The following SHPRH variants were observed in gnomAD, a reference collection of about 807,000 sequenced individuals.
The protein encoded by SHPRH is SNF2 histone linker PHD RING helicase.
In SHPRH, 106 loss-of-function variants were observed where a neutral mutation model predicts 202.5. The ratio of observed to expected loss-of-function variants is 0.52; its 90% CI spans 0.45 to 0.62. The LOEUF is 0.62. Among genes scored for constraint, SHPRH ranks in the 20% least tolerant of loss-of-function variants. SHPRH has a pLI of 0.00. For synonymous variants in SHPRH, 729 were observed against 686.0 expected (o/e 1.06, Z -0.98); for missense variants, 1,710 against 2,020.0 (o/e 0.85, Z 2.94).
chr6:145,921,820 T>G (rs55671343), intron 20 of SHPRH, among the ~76,000 whole-genome samples: 4,018 of 152,152 alleles, frequency 0.026, 183 homozygotes, highest in African/African-American at 0.091. Context: ...TGGATGAAAG[T>G]GGACACATTT....
rs968501018 is a variant in SHPRH, at chr6:145,954,763, T to G, written c.560A>C (p.Glu187Ala). ...VESSFSGEML[E>A]DLGWLQKKRR... is the part of the protein sequence containing the mutation. The stretch of plus-strand genomic sequence containing the variant: ...CTTCTTTTGTAGCCACCCCAAATCT[T>G]CTAACATTTCACCACTGAAGGATGA... Residue 187 changes from glutamate to alanine, a missense_variant, in exon 2 of 30, where the codon GAA (glutamate) becomes GCA (alanine). Transcript: ENST00000275233. 1 of 1,612,756 alleles carries G rather than the reference T, an allele frequency of 6.2e-7. No individual in the cohort carries two copies. Among genetic ancestry groups the G allele is most frequent in the Non-Finnish European group, 8.5e-7 (1 of 1,179,630 alleles).
chr6:145,924,536 G>C (rs988721946), intron 17 of SHPRH, among the ~76,000 whole-genome samples: 1 of 151,824 alleles, frequency 6.6e-6, no homozygotes, highest in African/African-American at 2.4e-5. Context: ...ACTCAAAATA[G>C]TTGACTTATT....
chr6:145,876,676 CATT>C (rs1780319817), intron 2 of SHPRH: 3 of 152,110 alleles, frequency 2.0e-5, no homozygotes, highest in Admixed American at 1.3e-4. Flanking sequence ...CATTTCTCTC[CATT>C]ATTATTATAG....
chr6:145,899,849 A>G (rs1782341561), intron 25 of SHPRH, among the ~76,000 whole-genome samples: 3 of 152,298 alleles, frequency 2.0e-5, no homozygotes, highest in Middle Eastern at 6.8e-3. Context: ...AAGGACCTGA[A>G]AAGATATTAC....
chr6:145,924,692 G>C, intron 17 of SHPRH, 47 bp downstream of exon 17: 1 of 1,550,006 alleles, frequency 6.5e-7, no homozygotes, highest in Non-Finnish European at 8.9e-7. Context: ...AACTCAAAAT[G>C]ATATCTGGAG....
the SHPRH span, among the ~76,000 whole-genome samples, chr6:145,859,207 A>T: frequency 6.6e-6 from 1 of 152,054 alleles, no homozygotes; most frequent in African/African-American, 2.4e-5. Flanking sequence ...CCCAATTTTA[A>T]ATTGAGTAGA....
intron 1 of SHPRH, among the ~76,000 whole-genome samples, chr6:145,959,293 A>T (rs754648194): frequency 1.3e-5 from 2 of 152,184 alleles, no homozygotes; most frequent in Non-Finnish European, 2.9e-5. Flanking sequence ...TAAGTACCCC[A>T]CAAAGGTGTA....
In SHPRH at chr6:145,943,439, T is replaced by C; in HGVS notation, c.1942A>G (p.Thr648Ala). The C allele has an allele frequency of 1.2e-6, 2 of 1,614,028 alleles. No individual in the cohort carries two copies. The highest frequency in any genetic ancestry group is 1.7e-6 in the Non-Finnish European group (2 of 1,179,940). The part of the protein sequence containing the change: ...HADSDVPPSN[T>A]MSPFNTSDYR... Reference sequence around the variant, plus strand: ...TCAGAGGTGTTAAAGGGACTCATGGTATTAGAAGGTGGTACATCACTATCA... The same window carrying C: ...TCAGAGGTGTTAAAGGGACTCATGGCATTAGAAGGTGGTACATCACTATCA... The change falls in exon 9 of 30, where the codon ACC (threonine) becomes GCC (alanine). Residue 648 changes from threonine to alanine, a missense_variant. This residue lies in a region of SHPRH where 348 missense variants were observed against 356.9 expected (regional missense o/e 0.97). Coordinates refer to ENST00000275233, the MANE Select transcript of SHPRH (RefSeq NM_001042683.3).
In SHPRH at chr6:145,955,119, T is replaced by A; in HGVS notation, c.204A>T (p.Arg68Ser). ...SDSLKEEVAH[R>S]DKKRCSKVVS... ...CCACTTTTGAACACCTCTTCTTATCTCTGTGAGCCACTTCTTCCTTTAGAC... is the reference window on the plus strand; with the variant it reads ...CCACTTTTGAACACCTCTTCTTATCACTGTGAGCCACTTCTTCCTTTAGAC... Residue 68 changes from arginine (R) to serine (S), a missense_variant, in exon 2 of 30, where the codon AGA becomes AGT. Around this residue, in one of 8 missense-constraint regions of SHPRH, gnomAD observed 459 missense variants for 426.5 expected, o/e 1.08. Coordinates refer to ENST00000275233, the MANE Select transcript of SHPRH (RefSeq NM_001042683.3). 6.2e-7 allele frequency: 1 copy of A among 1,613,692 alleles called. No individual in the cohort carries two copies. Among genetic ancestry groups the A allele is most frequent in the South Asian group, 1.1e-5 (1 of 91,082 alleles).
At chr6:145,947,670 A>G (rs750457781) in intron 5 of SHPRH, 27 bp from the exon 6 acceptor site, 1 of 1,609,052 alleles carries the variant, frequency 6.2e-7, no homozygotes, top group Non-Finnish European at 8.5e-7. Flanking sequence ...GATAAATCAC[A>G]TCATAGGAAT....
At chr6:145,942,967 AT>A (rs1786954266) in intron 9 of SHPRH, among the ~76,000 whole-genome samples, 175 bp downstream of exon 9, 1 of 152,222 alleles carries the variant, frequency 6.6e-6, no homozygotes, top group Non-Finnish European at 1.5e-5. Context: ...AAAGAATAAC[AT>A]TGTACTGTTC....
At chr6:145,917,970 T>C (rs927237864) in intron 23 of SHPRH, 161 bp downstream of exon 23, 19 of 460,874 alleles carry the variant, frequency 4.1e-5, no homozygotes, top group African/African-American at 3.7e-4. Context: ...CAATATTCTT[T>C]TGTGATCTCT....
chr6:145,949,222 G>C (rs1163721039), intron 4 of SHPRH, among the ~76,000 whole-genome samples: 2 of 152,002 alleles, frequency 1.3e-5, no homozygotes, highest in Non-Finnish European at 2.9e-5. Flanking sequence ...TCTACCCAAA[G>C]TGAAACAAGT....
Position 145,941,728 on chromosome 6 carries a change from T to C in SHPRH, c.2385A>G (p.Leu795=), listed in dbSNP as rs370687265. ...TAGCCATATAGCGCTTCTGGTTCCG[T>C]AGGCGACGCCCATCCTCACTATTGC... ...PHSNSEDGRR[L]RNQKRYMAIP... is the part of the protein sequence containing the mutation. The change falls in exon 10 of 30, where the codon CTA becomes CTG. Residue 795 remains leucine (L), a synonymous_variant. Transcript: ENST00000275233. The C allele has an allele frequency of 1.6e-5, 26 of 1,614,008 alleles. No homozygotes were observed. The African/African-American group carries it at 3.2e-4, about 20-fold the overall frequency.
At chr6:145,963,031 C>T (rs1250946692) in intron 1 of SHPRH, among the ~76,000 whole-genome samples, 2 of 152,156 alleles carry the variant, frequency 1.3e-5, no homozygotes, top group African/African-American at 4.8e-5. Context: ...CAGCTCCTTT[C>T]GGGTGGACAA....
Position 145,929,242 on chromosome 6 carries a change from C to T in SHPRH, c.3113-1965G>A, listed in dbSNP as rs79197083. ...ATACCCATTCTCAGCCACTTGATGG[C>T]GCTAACATTTCTAAGAAAACTGGTG... On this transcript the variant is annotated intron_variant, in intron 14 of 29. Coordinates refer to ENST00000275233, the MANE Select transcript of SHPRH (RefSeq NM_001042683.3). Among the ~76,000 whole-genome samples the T allele has an allele frequency of 5.1e-3, 776 of 151,938 alleles. 4 individuals are homozygous for T. Among genetic ancestry groups the T allele is most frequent in the African/African-American group, 0.018 (755 of 41,524 alleles).
rs1432169833 is a variant in SHPRH, at chr6:145,888,176, T to C, written c.4875-76A>G. On this transcript the variant is annotated intron_variant, in intron 28 of 29. Transcript: ENST00000275233. ...GTACAAACCGACTTCACATTTTATATGCTATATTCATCAGTCAGTTGGTGC... is the reference window on the plus strand; with the variant it reads ...GTACAAACCGACTTCACATTTTATACGCTATATTCATCAGTCAGTTGGTGC... The C allele has an allele frequency of 3.7e-5, 40 of 1,069,132 alleles. No homozygotes were observed. In the East Asian group the frequency reaches 9.7e-4, roughly 26 times the overall value. 66.2% of individuals were successfully genotyped at this position (1,069,132 alleles called of 1,614,324 possible).
rs181281558 is a variant in SHPRH at position 145,887,916 on chromosome 6, T to C, written c.4955+104A>G. On this transcript the variant is annotated intron_variant, in intron 29 of 29. Coordinates refer to ENST00000275233, the MANE Select transcript of SHPRH (RefSeq NM_001042683.3). ...GTCAGACTTTGCTTTTAAAAACGTA[T>C]TTGTGCTATATTTTTCGTTGTCATC... The C allele has an allele frequency of 5.7e-5, 49 of 855,584 alleles. No homozygotes were observed. In the African/African-American group the frequency reaches 7.5e-4, roughly 13 times the overall value. 53.0% of individuals were successfully genotyped at this position (855,584 alleles called of 1,614,324 possible).
In SHPRH at chr6:145,923,685, C is replaced by T; in HGVS notation, c.3503G>A (p.Ser1168Asn). Reference protein sequence around the residue: ...LVQRVRNEITSNYKQQTGKLS... With the variant: ...LVQRVRNEITNNYKQQTGKLS... ...CTTGCCAGTTTGTTGCTTGTAGTTG[C>T]TGGTTATTTCATTTCGCACTCGCTG... The change falls in exon 18 of 30, where the codon AGC becomes AAC. Residue 1168 changes from serine (S) to asparagine (N), a missense_variant. Ser to Asn is a conservative substitution (Grantham distance 46, BLOSUM62 1). Around this residue, in one of 8 missense-constraint regions of SHPRH, gnomAD observed 288 missense variants for 317.8 expected, o/e 0.91. Transcript: ENST00000275233. 1 of 1,611,774 alleles carries T rather than the reference C, an allele frequency of 6.2e-7. No individual in the cohort carries two copies. The highest frequency in any genetic ancestry group is 8.5e-7 in the Non-Finnish European group (1 of 1,178,526).
Sources: gnomAD v4.1 joint callset for allele counts (sites outside exome capture counted in the v4.1 genomes callset) on GRCh38, gnomAD v4.1.1 for gene constraint, gnomAD v4.1.1 regional missense constraint, MANE v1.5 for transcripts, NCBI Gene and HGNC (gene_info 2026-07-23, HGNC 2026-07-21) for gene names.